The following TAF3 variants were observed in gnomAD, a reference collection of about 807,000 sequenced individuals.
TAF3 encodes the protein transcription initiation factor TFIID subunit 3.
TAF3 carries 7 observed loss-of-function variants against 80.6 expected under a neutral mutation model. That is an observed-to-expected ratio of 0.09 (90% CI 0.05 to 0.16). The LOEUF is 0.16. Ranked by LOEUF, TAF3 falls within the 10% of genes least tolerant of loss-of-function variation. The pLI is 1.00. For missense variants in TAF3, 921 were observed against 1,140.2 expected (o/e 0.81, Z 2.77); for synonymous variants, 444 against 446.1 (o/e 1.00, Z 0.06).
rs562259750 is a variant in TAF3, at chr10:7,934,477, T to A, written c.410-29443T>A. 5.3e-5 allele frequency among the ~76,000 whole-genome samples: 8 copies of A among 152,238 alleles called. No homozygotes were observed. The East Asian group carries it at 1.3e-3, about 26-fold the overall frequency. ...TTTATTTATTTGAGACAGAGTCTTGTTCTGTCACCCAGGCTGGAGTGCAGT... is the reference window on the plus strand; with the variant it reads ...TTTATTTATTTGAGACAGAGTCTTGATCTGTCACCCAGGCTGGAGTGCAGT... On this transcript the variant is annotated intron_variant, in intron 2 of 6. Coordinates refer to ENST00000344293, the MANE Select transcript of TAF3 (RefSeq NM_031923.4).
chr10:7,965,941 A>G (rs1831566920), intron 3 of TAF3, among the ~76,000 whole-genome samples, 199 bp downstream of exon 3: 1 of 152,220 alleles, frequency 6.6e-6, no homozygotes, highest in Admixed American at 6.5e-5. Context: ...ACACACTAGC[A>G]GATGTTAAAA....
At chr10:7,989,340 T>C (rs942185911) in intron 4 of TAF3, among the ~76,000 whole-genome samples, 1 of 152,182 alleles carries the variant, frequency 6.6e-6, no homozygotes, top group Non-Finnish European at 1.5e-5. Context: ...AAATGGGTGC[T>C]GTGTAGAGAC....
intron 2 of TAF3, among the ~76,000 whole-genome samples, chr10:7,871,898 T>G (rs181294649): frequency 2.8e-4 from 43 of 152,360 alleles, no homozygotes; most frequent in Non-Finnish European, 5.0e-4. Flanking sequence ...TAATATTTGT[T>G]CATCACTTAA....
At chr10:8,003,675 C>CA (rs768360127) in intron 4 of TAF3, among the ~76,000 whole-genome samples, 1 of 152,086 alleles carries the variant, frequency 6.6e-6, no homozygotes, top group African/African-American at 2.4e-5. Flanking sequence ...CACCATTATC[C>CA]AAAAAATCTT....
intron 2 of TAF3, among the ~76,000 whole-genome samples, chr10:7,943,694 C>T (rs1039931714): frequency 6.6e-6 from 1 of 152,164 alleles, no homozygotes; most frequent in East Asian, 1.9e-4. Flanking sequence ...TTGGCTTTTT[C>T]ACTTCTGTAC....
chr10:7,959,155 CACACACACAA>C (rs1838165394), intron 2 of TAF3, among the ~76,000 whole-genome samples: 1 of 140,044 alleles, frequency 7.1e-6, no homozygotes. Flanking sequence ...CACACACACA[CACACACACAA>C]AAAAAGTTTC....
intron 4 of TAF3, among the ~76,000 whole-genome samples, chr10:7,983,907 A>T (rs1161989546): frequency 6.6e-6 from 1 of 152,196 alleles, no homozygotes; most frequent in East Asian, 1.9e-4. Context: ...GACAAAAAGA[A>T]TTTTAAGAAT....
chr10:7,910,777 AT>A (rs1837650272), intron 2 of TAF3, among the ~76,000 whole-genome samples: 1 of 152,238 alleles, frequency 6.6e-6, no homozygotes. Flanking sequence ...GACAGGAATA[AT>A]TCGGTGAGCT....
At chr10:7,948,065 A>ATTT (rs148895542) in intron 2 of TAF3, among the ~76,000 whole-genome samples, 3 of 143,178 alleles carry the variant, frequency 2.1e-5, no homozygotes, top group Non-Finnish European at 3.0e-5. Context: ...TATGACTCTG[A>ATTT]TTTTTTTTTT....
At chr10:7,826,445 TTTTG>T (rs1307666253) in intron 2 of TAF3, among the ~76,000 whole-genome samples, 3 of 105,646 alleles carry the variant, frequency 2.8e-5, no homozygotes, top group South Asian at 3.5e-4. Flanking sequence ...TTAGTGTTTT[TTTTG>T]TTTTGTTTTG....
chr10:8,014,413 G>C (rs1832084192), intron 6 of TAF3, among the ~76,000 whole-genome samples: 1 of 152,212 alleles, frequency 6.6e-6, no homozygotes. Flanking sequence ...TCCTGGCTGA[G>C]AGGATGAATG....
intron 2 of TAF3, among the ~76,000 whole-genome samples, chr10:7,885,249 GAC>G (rs71385678): frequency 0.012 from 1,755 of 148,644 alleles, 22 homozygotes; most frequent in South Asian, 0.033. Flanking sequence ...TATAAATTTT[GAC>G]ACACACACAC....
At position 7,929,933 on chromosome 10, in the gene TAF3, G is replaced by A. The variant is rs551823347; in HGVS notation, c.410-33987G>A. Among the ~76,000 whole-genome samples the A allele has an allele frequency of 3.9e-5, 6 of 152,278 alleles. No homozygotes were observed. In the South Asian group the frequency reaches 8.3e-4, roughly 21 times the overall value. On this transcript the variant is annotated intron_variant, in intron 2 of 6. Transcript: ENST00000344293. ...GATACAGGCTAGGGCCAGGCGTGGT[G>A]GCTCACACCTATAATTCCAGCACTT...
chr10:8,007,562 TTATATA>T (rs34833399), intron 4 of TAF3, among the ~76,000 whole-genome samples: 2,687 of 60,274 alleles, frequency 0.045, 106 homozygotes, highest in African/African-American at 0.058. Context: ...GTGTGTGAAA[TTATATA>T]TATATATATA....
intron 2 of TAF3, among the ~76,000 whole-genome samples, chr10:7,896,505 G>A (rs1837505799): frequency 2.0e-5 from 3 of 152,174 alleles, no homozygotes; most frequent in South Asian, 2.1e-4. Context: ...TTGCTTCATA[G>A]ATCTCTAGTT....
intron 2 of TAF3, among the ~76,000 whole-genome samples, chr10:7,857,300 T>G (rs1837090876): frequency 6.6e-6 from 1 of 152,238 alleles, no homozygotes; most frequent in Admixed American, 6.5e-5. Flanking sequence ...ATCTACATTT[T>G]CAACATTTCT....
intron 2 of TAF3, among the ~76,000 whole-genome samples, chr10:7,887,585 G>A (rs1277980511): frequency 6.6e-6 from 1 of 152,170 alleles, no homozygotes; most frequent in Non-Finnish European, 1.5e-5. Flanking sequence ...GACTTTCCTA[G>A]TGATAAGTGT....
intron 2 of TAF3, chr10:7,833,827 A>T (rs1255503431): frequency 1.7e-6 from 1 of 604,302 alleles, no homozygotes; most frequent in African/African-American, 2.0e-5. Context: ...TCTTCAGCAG[A>T]ACTGTCTCCC....
chr10:7,979,397 A>G (rs548468848), intron 4 of TAF3, among the ~76,000 whole-genome samples: 24 of 151,352 alleles, frequency 1.6e-4, no homozygotes, highest in African/African-American at 5.6e-4. Flanking sequence ...GTTATATTCA[A>G]CTCACCTGCC....
Sources: allele counts gnomAD v4.1 joint callset (sites outside exome capture counted in the v4.1 genomes callset), GRCh38; gene constraint gnomAD v4.1.1; transcripts MANE v1.5; gene names NCBI Gene and HGNC (gene_info 2026-07-23, HGNC 2026-07-21).